The following GRIA4 variants were observed in gnomAD, a reference collection of about 807,000 sequenced individuals.
GRIA4 encodes glutamate ionotropic receptor AMPA type subunit 4.
Under a neutral mutation model 104.0 loss-of-function variants are expected in GRIA4, and 34 were observed. The ratio of observed to expected loss-of-function variants is 0.33; its 90% CI spans 0.25 to 0.44. The LOEUF (loss-of-function observed/expected upper bound fraction) is 0.44, where lower values mean the gene tolerates loss of function less well. Ranked by LOEUF, GRIA4 falls within the 20% of genes least tolerant of loss-of-function variation. GRIA4 has a pLI of 1.00. For synonymous variants in GRIA4, 386 were observed against 381.9 expected (o/e 1.01, Z -0.13); for missense variants, 750 against 1,096.5 (o/e 0.68, Z 4.46).
At chr11:105,888,595 T>C (rs1946360500) in intron 6 of GRIA4, among the ~76,000 whole-genome samples, 2 of 152,096 alleles carry the variant, frequency 1.3e-5, no homozygotes, top group African/African-American at 2.4e-5. Context: ...CTCCTTTTTC[T>C]ATTTTTATGA....
chr11:105,827,862 G>T (rs1452094758), intron 4 of GRIA4, among the ~76,000 whole-genome samples: 2 of 151,950 alleles, frequency 1.3e-5, no homozygotes, highest in Non-Finnish European at 2.9e-5. Flanking sequence ...AACTAAATTT[G>T]CTTTTTATGT....
chr11:105,920,713 T>C (rs1239114124), intron 11 of GRIA4, among the ~76,000 whole-genome samples: 1 of 152,170 alleles, frequency 6.6e-6, no homozygotes, highest in East Asian at 1.9e-4. Flanking sequence ...GTTATGCAGT[T>C]CTCAAAGAGA....
intron 3 of GRIA4, among the ~76,000 whole-genome samples, chr11:105,749,254 G>A (rs1236186067): frequency 6.6e-6 from 1 of 152,186 alleles, no homozygotes; most frequent in African/African-American, 2.4e-5. Flanking sequence ...AGTTTGGGTG[G>A]CTGGAAAATG....
At chr11:105,694,153 AT>A (rs11317726) in intron 3 of GRIA4, among the ~76,000 whole-genome samples, 66,708 of 146,898 alleles carry the variant, frequency 0.45, 14,792 homozygotes, top group East Asian at 0.57. Flanking sequence ...AAACAAGCTA[AT>A]TTTTTTTTTT....
intron 3 of GRIA4, among the ~76,000 whole-genome samples, chr11:105,684,327 A>AT: frequency 6.6e-6 from 1 of 152,070 alleles, no homozygotes; most frequent in Non-Finnish European, 1.5e-5. Flanking sequence ...AAATAACACG[A>AT]TTTTTTCATG....
chr11:105,652,378 C>T (rs1951708753), intron 3 of GRIA4, among the ~76,000 whole-genome samples: 1 of 152,056 alleles, frequency 6.6e-6, no homozygotes, highest in Non-Finnish European at 1.5e-5. Flanking sequence ...TAAACTGACT[C>T]GAGGTAGGCT....
At chr11:105,634,363 A>AAC (rs1320272160) in intron 3 of GRIA4, among the ~76,000 whole-genome samples, 1 of 150,434 alleles carries the variant, frequency 6.6e-6, no homozygotes, top group African/African-American at 2.4e-5. Context: ...CAAAAAAAAA[A>AAC]AAAAAAGAAG....
In GRIA4 at chr11:105,980,222, G is replaced by C. The variant is rs1859202829; in HGVS notation, c.*483G>C. On this transcript the variant is annotated 3_prime_UTR_variant, in exon 17 of 17. Coordinates refer to ENST00000282499, the MANE Select transcript of GRIA4 (RefSeq NM_000829.4). ...AGCTGAGAAAACAAATCACTAAACT[G>C]TGATAAGAAAATAATGAACAAACAT... 2 of 152,278 alleles carry C rather than the reference G, an allele frequency of 1.3e-5. No homozygotes were observed. Among genetic ancestry groups the C allele is most frequent in the Middle Eastern group, 3.4e-3 (1 of 294 alleles). The allele number at this position is 152,278 out of a possible 1,614,324, so 9.4% of individuals were successfully genotyped here. A position where few individuals can be genotyped will look rare whatever the true frequency, so the allele number is the denominator to read the frequency against.
rs146061661 is a variant in GRIA4 at position 105,695,663 on chromosome 11, T to C, written c.248-57318T>C. Among the ~76,000 whole-genome samples, 89 of 152,308 alleles carry C rather than the reference T, an allele frequency of 5.8e-4. 1 individual carries two copies. In the East Asian group the frequency reaches 0.01, roughly 18 times the overall value. The stretch of plus-strand genomic sequence containing the variant: ...CCAACCTCTGACTGCATTTGGAGCA[T>C]AGCCTTGAAGTCCTTTTTTCTTTAT... On this transcript the variant is annotated intron_variant, in intron 3 of 16. Coordinates refer to ENST00000282499, the MANE Select transcript of GRIA4 (RefSeq NM_000829.4).
At chr11:105,927,986 A>G (rs963500833) in intron 13 of GRIA4, among the ~76,000 whole-genome samples, 2 of 152,002 alleles carry the variant, frequency 1.3e-5, no homozygotes, top group Non-Finnish European at 2.9e-5. Flanking sequence ...GTTCGTGCCT[A>G]CATACAGCAC....
In GRIA4 at chr11:105,671,894, CT is replaced by C. The variant is rs1157374484; in HGVS notation, c.247+59464del. Among the ~76,000 whole-genome samples, 127 of 152,072 alleles carry C rather than the reference CT, an allele frequency of 8.4e-4. 1 individual carries two copies. The highest frequency in any genetic ancestry group is 5.9e-5 in the Non-Finnish European group (4 of 67,990). ...TCACCCCATGTGCTGACTTAGGAAG[CT>C]TTTGATAGGGCTTATAAGTCTGTTT... is the stretch of plus-strand genomic sequence containing the variant. On this transcript the variant is annotated intron_variant, in intron 3 of 16. Coordinates refer to ENST00000282499, the MANE Select transcript of GRIA4 (RefSeq NM_000829.4).
At chr11:105,915,654 G>A (rs1039970581) in intron 10 of GRIA4, among the ~76,000 whole-genome samples, 3 of 152,088 alleles carry the variant, frequency 2.0e-5, no homozygotes, top group Non-Finnish European at 4.4e-5. Context: ...TATCTACACT[G>A]TTTACATAGA....
At chr11:105,691,488 C>A (rs1023077274) in intron 3 of GRIA4, among the ~76,000 whole-genome samples, 5 of 152,102 alleles carry the variant, frequency 3.3e-5, no homozygotes, top group Admixed American at 6.5e-5. Context: ...AAGTAGTTTG[C>A]TTGGCTTAAT....
intron 3 of GRIA4, among the ~76,000 whole-genome samples, chr11:105,666,078 T>C (rs1331688820): frequency 6.6e-6 from 1 of 152,044 alleles, no homozygotes; most frequent in Non-Finnish European, 1.5e-5. Flanking sequence ...TTAATGTTTT[T>C]CTGTATAGAG....
At chr11:105,867,316 C>T (rs1029166532) in intron 5 of GRIA4, among the ~76,000 whole-genome samples, 5 of 152,134 alleles carry the variant, frequency 3.3e-5, no homozygotes, top group Admixed American at 2.6e-4. Flanking sequence ...TGGACATGAT[C>T]CCAGTTAACT....
intron 3 of GRIA4, among the ~76,000 whole-genome samples, chr11:105,643,370 C>T (rs1170983471): frequency 6.6e-6 from 1 of 152,126 alleles, no homozygotes; most frequent in East Asian, 1.9e-4. Flanking sequence ...GATTCCTTAA[C>T]ATTGTTTTAC....
At chr11:105,643,859 C>T (rs1181909534) in intron 3 of GRIA4, among the ~76,000 whole-genome samples, 2 of 152,136 alleles carry the variant, frequency 1.3e-5, no homozygotes, top group African/African-American at 2.4e-5. Context: ...GCTGGGACTA[C>T]AGGCACAAGT....
chr11:105,780,439 C>G (rs1941675494), intron 4 of GRIA4, among the ~76,000 whole-genome samples: 2 of 152,126 alleles, frequency 1.3e-5, no homozygotes, highest in African/African-American at 4.8e-5. Flanking sequence ...CAGGTAAATT[C>G]ACTGGTTCTC....
At chr11:105,947,029 T>C (rs1428827601) in intron 14 of GRIA4, among the ~76,000 whole-genome samples, 5 of 152,214 alleles carry the variant, frequency 3.3e-5, no homozygotes, top group Admixed American at 3.3e-4. Context: ...GAGGTTATTG[T>C]TTTCTGAGCA....
Sources: allele counts gnomAD v4.1 joint callset (sites outside exome capture counted in the v4.1 genomes callset), GRCh38; gene constraint gnomAD v4.1.1; transcripts MANE v1.5; gene names NCBI Gene and HGNC (gene_info 2026-07-23, HGNC 2026-07-21).